The following FSTL4 variants were observed in gnomAD, a reference collection of about 807,000 sequenced individuals.
FSTL4 encodes follistatin like 4.
FSTL4 carries 28 observed loss-of-function variants against 78.2 expected under a neutral mutation model. The observed-to-expected ratio is 0.36, with a 90% CI of 0.27 to 0.49. The LOEUF (loss-of-function observed/expected upper bound fraction) is 0.49. Among genes scored for constraint, FSTL4 ranks in the 20% least tolerant of loss-of-function variants. The pLI is 0.98. For missense variants in FSTL4, 922 were observed against 1,084.9 expected (o/e 0.85, Z 2.11); for synonymous variants, 422 against 440.5 (o/e 0.96, Z 0.53).
In FSTL4 at chr5:133,591,851, A is replaced by G. The variant is rs771600196; in HGVS notation, c.126+12007T>C. 4.0e-4 allele frequency among the ~76,000 whole-genome samples: 61 copies of G among 152,228 alleles called. 1 individual carries two copies. The highest frequency in any genetic ancestry group is 2.6e-4 in the Admixed American group (4 of 15,286). On this transcript the variant is annotated intron_variant, in intron 2 of 15. Transcript: ENST00000265342. ...TTCCAATGCCTCTAAGCCTGAGCCCATGAAGGCATCCTGCCATTGGCTTTG... is the reference window on the plus strand; with the variant it reads ...TTCCAATGCCTCTAAGCCTGAGCCCGTGAAGGCATCCTGCCATTGGCTTTG...
chr5:133,411,161 C>T (rs1561707251), intron 3 of FSTL4, among the ~76,000 whole-genome samples: 1 of 152,224 alleles, frequency 6.6e-6, no homozygotes. Context: ...GAGACCACCA[C>T]TGCCTTAAGG....
At chr5:133,386,611 TC>T (rs778117953) in intron 4 of FSTL4, among the ~76,000 whole-genome samples, 27 of 152,288 alleles carry the variant, frequency 1.8e-4, no homozygotes, top group African/African-American at 6.3e-4. Context: ...GAAAGTTTGT[TC>T]CTTTAAAATT....
the FSTL4 span, among the ~76,000 whole-genome samples, chr5:133,737,017 C>T: frequency 6.6e-6 from 1 of 152,070 alleles, no homozygotes; most frequent in Non-Finnish European, 1.5e-5. Flanking sequence ...GTTAAATACG[C>T]ACATCATGGA....
At chr5:133,619,084 T>A in the FSTL4 span, among the ~76,000 whole-genome samples, 1 of 152,202 alleles carries the variant, frequency 6.6e-6, no homozygotes, top group Non-Finnish European at 1.5e-5. Flanking sequence ...ATGAAGCTCT[T>A]TTCCAGTGGT....
At chr5:133,242,136 A>T (rs750818361) in intron 7 of FSTL4, among the ~76,000 whole-genome samples, 1 of 152,212 alleles carries the variant, frequency 6.6e-6, no homozygotes, top group Non-Finnish European at 1.5e-5. Flanking sequence ...AGAGGTGGGT[A>T]TAAGGATGTT....
chr5:133,595,837 G>A (rs1038124003), intron 2 of FSTL4, among the ~76,000 whole-genome samples: 2 of 152,188 alleles, frequency 1.3e-5, no homozygotes, highest in Non-Finnish European at 2.9e-5. Flanking sequence ...GCTGGAGAGG[G>A]CGATTCCCTT....
chr5:133,480,479 A>G (rs1758005146), intron 3 of FSTL4, among the ~76,000 whole-genome samples: 1 of 152,152 alleles, frequency 6.6e-6, no homozygotes, highest in Non-Finnish European at 1.5e-5. Context: ...AATAGCACAC[A>G]TGGCTTTCAA....
chr5:133,678,545 G>A, the FSTL4 span, among the ~76,000 whole-genome samples: 1 of 148,704 alleles, frequency 6.7e-6, no homozygotes, highest in Non-Finnish European at 1.5e-5. Flanking sequence ...TGGGAGAGGG[G>A]CAGGTCTGTG....
chr5:133,551,280 A>G (rs1356758634), intron 3 of FSTL4, among the ~76,000 whole-genome samples: 1 of 152,250 alleles, frequency 6.6e-6, no homozygotes, highest in Non-Finnish European at 1.5e-5. Context: ...GATAGCTTTT[A>G]TAAAATGACT....
At chr5:133,695,094 T>C in the FSTL4 span, among the ~76,000 whole-genome samples, 3 of 152,058 alleles carry the variant, frequency 2.0e-5, no homozygotes, top group Admixed American at 6.5e-5. Flanking sequence ...CCAGCAGATA[T>C]AGGGAGTGAA....
the FSTL4 span, among the ~76,000 whole-genome samples, chr5:133,756,183 G>A: frequency 6.6e-6 from 1 of 152,020 alleles, no homozygotes; most frequent in East Asian, 1.9e-4. Flanking sequence ...GAAGGGAGAT[G>A]CACAGACACC....
chr5:133,753,300 A>G, the FSTL4 span, among the ~76,000 whole-genome samples: 2 of 152,076 alleles, frequency 1.3e-5, no homozygotes, highest in Non-Finnish European at 2.9e-5. Context: ...TGAAAATTGG[A>G]CCCTGCTGAG....
intron 4 of FSTL4, among the ~76,000 whole-genome samples, chr5:133,396,103 A>C (rs1392727715): frequency 6.6e-6 from 1 of 152,220 alleles, no homozygotes; most frequent in Non-Finnish European, 1.5e-5. Flanking sequence ...CATTCACAGG[A>C]GGACCCACCA....
At chr5:133,382,654 C>T (rs1006603743) in intron 4 of FSTL4, among the ~76,000 whole-genome samples, 2 of 152,128 alleles carry the variant, frequency 1.3e-5, no homozygotes. Context: ...ATGGTTCATC[C>T]CCTGATGCTG....
chr5:133,608,637 C>T (rs528996865), intron 1 of FSTL4, among the ~76,000 whole-genome samples: 1 of 152,324 alleles, frequency 6.6e-6, no homozygotes, highest in East Asian at 1.9e-4. Flanking sequence ...GAAGGACCTC[C>T]ACTAGATTGT....
intron 4 of FSTL4, among the ~76,000 whole-genome samples, chr5:133,358,651 G>A (rs1754997451): frequency 6.8e-6 from 1 of 147,500 alleles, no homozygotes; most frequent in Non-Finnish European, 1.5e-5. Context: ...GCTGGATGGA[G>A]TGCAGTGGCG....
At chr5:133,790,036 C>T in the FSTL4 span, among the ~76,000 whole-genome samples, 132 of 152,236 alleles carry the variant, frequency 8.7e-4, no homozygotes, top group African/African-American at 3.1e-3. Context: ...TATGTGGTGG[C>T]CCAAACCTTC....
chr5:133,652,650 C>T, the FSTL4 span, among the ~76,000 whole-genome samples: 9 of 152,158 alleles, frequency 5.9e-5, no homozygotes, highest in Non-Finnish European at 1.3e-4. Context: ...TTCTCGTAAG[C>T]ATGTTAAGGT....
chr5:133,745,687 G>C, the FSTL4 span, among the ~76,000 whole-genome samples: 1 of 152,206 alleles, frequency 6.6e-6, no homozygotes, highest in Non-Finnish European at 1.5e-5. Flanking sequence ...GGCCAGAGCT[G>C]CCTGGTAGAT....
Sources: gnomAD v4.1 joint callset for allele counts (sites outside exome capture counted in the v4.1 genomes callset) on GRCh38, gnomAD v4.1.1 for gene constraint, MANE v1.5 for transcripts, NCBI Gene and HGNC (gene_info 2026-07-23, HGNC 2026-07-21) for gene names.